TSHR: variants seen among roughly 807,000 people sequenced by gnomAD.
TSHR encodes the protein thyrotropin receptor.
TSHR carries 51 observed loss-of-function variants against 64.1 expected under a neutral mutation model. That is an observed-to-expected ratio of 0.80 (90% CI 0.64 to 1.01). TSHR has a LOEUF of 1.01. TSHR is among the 50% of genes least tolerant of loss of function. TSHR has a pLI of 0.00. For synonymous variants in TSHR, 361 were observed against 361.9 expected (o/e 1.00, Z 0.03); for missense variants, 877 against 942.8 (o/e 0.93, Z 0.91).
intron 8 of TSHR, among the ~76,000 whole-genome samples, chr14:81,136,079 A>C (rs182334491): frequency 1.3e-5 from 2 of 152,350 alleles, no homozygotes; most frequent in African/African-American, 4.8e-5. Context: ...ATGAGACTAC[A>C]GAGGTAGTCC....
chr14:80,985,183 G>A (rs1318465637), intron 1 of TSHR, among the ~76,000 whole-genome samples: 1 of 152,218 alleles, frequency 6.6e-6, no homozygotes, highest in Non-Finnish European at 1.5e-5. Context: ...CCGGGAGGCG[G>A]AGCTTGCAGT....
intron 8 of TSHR, 138 bp from the exon 9 acceptor site, chr14:81,139,541 C>T: frequency 8.9e-6 from 8 of 898,644 alleles, no homozygotes; most frequent in Non-Finnish European, 1.4e-5. Flanking sequence ...AGACCAGAAG[C>T]TCAGCTTATG....
chr14:80,997,664 G>A (rs759058074), intron 1 of TSHR, among the ~76,000 whole-genome samples: 20 of 152,102 alleles, frequency 1.3e-4, no homozygotes, highest in Non-Finnish European at 2.5e-4. Context: ...ACAACCTCAC[G>A]GTATTCACAA....
chr14:81,118,691 T>C (rs1890642634), intron 8 of TSHR, among the ~76,000 whole-genome samples: 1 of 152,152 alleles, frequency 6.6e-6, no homozygotes, highest in Non-Finnish European at 1.5e-5. Flanking sequence ...AAAGTTCATA[T>C]GGAACCAAAA....
At chr14:81,090,316 C>G (rs1000733567) in intron 4 of TSHR, among the ~76,000 whole-genome samples, 2 of 152,186 alleles carry the variant, frequency 1.3e-5, no homozygotes, top group African/African-American at 4.8e-5. Flanking sequence ...ATGATCTCGG[C>G]TCACTGCAAC....
chr14:81,018,811 C>T (rs1199854568), intron 1 of TSHR, among the ~76,000 whole-genome samples: 1 of 151,986 alleles, frequency 6.6e-6, no homozygotes, highest in Non-Finnish European at 1.5e-5. Context: ...GTTGGTCACC[C>T]TATGAAAAAA....
intron 7 of TSHR, among the ~76,000 whole-genome samples, chr14:81,099,732 G>A (rs560341376): frequency 6.6e-6 from 1 of 152,126 alleles, no homozygotes; most frequent in Non-Finnish European, 1.5e-5. Context: ...ATGATAAAAC[G>A]TTATTCAAGT....
At chr14:80,955,913 G>A (rs2239610) in intron 1 of TSHR, 63 bp downstream of exon 1, 6 of 1,607,252 alleles carry the variant, frequency 3.7e-6, no homozygotes, top group Non-Finnish European at 5.1e-6. Flanking sequence ...GAGGTGGCCC[G>A]AAGTGCACAA....
intron 8 of TSHR, among the ~76,000 whole-genome samples, chr14:81,111,635 C>G (rs1185414629): frequency 6.6e-6 from 1 of 152,154 alleles, no homozygotes; most frequent in African/African-American, 2.4e-5. Flanking sequence ...ATTCTCCAAC[C>G]TACTTACACT....
chr14:80,972,597 C>T (rs141215439), intron 1 of TSHR, among the ~76,000 whole-genome samples: 6 of 152,324 alleles, frequency 3.9e-5, no homozygotes, highest in African/African-American at 1.4e-4. Flanking sequence ...CTCCTCCTCT[C>T]TCAGTTGATG....
At chr14:81,046,095 C>G (rs1251703671) in intron 1 of TSHR, among the ~76,000 whole-genome samples, 3 of 152,166 alleles carry the variant, frequency 2.0e-5, no homozygotes, top group South Asian at 2.1e-4. Flanking sequence ...ATTCTATAAT[C>G]AAGCAAATGA....
At chr14:81,035,726 C>G (rs12323785) in intron 1 of TSHR, among the ~76,000 whole-genome samples, 37,199 of 152,056 alleles carry the variant, frequency 0.24, 4,669 homozygotes, top group South Asian at 0.33. Context: ...TGTTTTGCTT[C>G]TTTGTTTGAT....
chr14:81,081,647 CCCTGT>C (rs1312448622), intron 3 of TSHR, among the ~76,000 whole-genome samples: 1 of 152,100 alleles, frequency 6.6e-6, no homozygotes, highest in Non-Finnish European at 1.5e-5. Flanking sequence ...TGTGATAGAA[CCCTGT>C]CCTAAAATGT....
intron 1 of TSHR, chr14:81,051,287 C>T (rs980734486): frequency 6.6e-6 from 1 of 152,188 alleles, no homozygotes; most frequent in Admixed American, 6.5e-5. Context: ...AGTTCTCTTG[C>T]TATTTTCACC....
At chr14:80,974,221 G>A (rs1411364759) in intron 1 of TSHR, among the ~76,000 whole-genome samples, 1 of 152,128 alleles carries the variant, frequency 6.6e-6, no homozygotes, top group African/African-American at 2.4e-5. Context: ...TTCCATGCAG[G>A]GACCATCCAG....
intron 1 of TSHR, among the ~76,000 whole-genome samples, chr14:81,047,955 G>A (rs942295516): frequency 6.6e-6 from 1 of 152,018 alleles, no homozygotes; most frequent in Non-Finnish European, 1.5e-5. Context: ...CTGTTCATTG[G>A]CTTTTATATA....
chr14:81,067,483 T>TTATATATATATATA lies in TSHR; in HGVS notation c.243-762_243-749dup, dbSNP rs71103896. On this transcript the variant is annotated intron_variant, in intron 2 of 9. Coordinates refer to ENST00000298171, the MANE Select transcript of TSHR (RefSeq NM_000369.5). ...TAATTAGTGAAAGGAGTTTATAGTTTTATATATATATATATATATATAGTG... is the reference window on the plus strand; with the variant it reads ...TAATTAGTGAAAGGAGTTTATAGTTTTATATATATATATATATATATATATATATATATATAGTG... 7.3e-3 allele frequency among the ~76,000 whole-genome samples: 985 copies of TTATATATATATATA among 134,846 alleles called. 7 individuals are homozygous for TTATATATATATATA. The highest frequency in any genetic ancestry group is 0.023 in the African/African-American group (788 of 34,598). The allele number at this position is 134,846 out of a possible 152,430, so 88.5% of individuals were successfully genotyped here. A position where few individuals can be genotyped will look rare whatever the true frequency, so the allele number is the denominator to read the frequency against.
chr14:81,070,334 T>C (rs746163295), intron 3 of TSHR, among the ~76,000 whole-genome samples: 2 of 151,966 alleles, frequency 1.3e-5, no homozygotes, highest in African/African-American at 2.4e-5. Context: ...AAGAAAATTA[T>C]AAAAGCCAGC....
At position 81,096,655 on chromosome 14, in the gene TSHR, G is replaced by A; in HGVS notation, c.562G>A (p.Gly188Ser). 2.5e-6 allele frequency: 4 copies of A among 1,613,740 alleles called. No individual in the cohort carries two copies. Among genetic ancestry groups the A allele is most frequent in the East Asian group, 2.2e-5 (1 of 44,874 alleles). ...ETLTLKLYNN[G>S]FTSVQGYAFN... ...TGGTTGTAGGAAGCTGTACAACAAT[G>A]GCTTTACTTCAGTCCAAGGATATGC... The change falls in exon 7 of 10, where the codon GGC (glycine) becomes AGC (serine). Residue 188 changes from glycine to serine, a missense_variant. Coordinates refer to ENST00000298171, the MANE Select transcript of TSHR (RefSeq NM_000369.5).
Sources: gnomAD v4.1 joint callset for allele counts (sites outside exome capture counted in the v4.1 genomes callset) on GRCh38, gnomAD v4.1.1 for gene constraint, MANE v1.5 for transcripts, NCBI Gene and HGNC (gene_info 2026-07-23, HGNC 2026-07-21) for gene names.